The following SLC30A8 variants were observed in gnomAD, a reference collection of about 807,000 sequenced individuals.
SLC30A8 encodes proton-coupled zinc antiporter SLC30A8.
Under a neutral mutation model 36.9 loss-of-function variants are expected in SLC30A8, and 27 were observed. That is an observed-to-expected ratio of 0.73 (90% CI 0.54 to 1.01). The LOEUF is 1.01. Ranked by LOEUF, SLC30A8 falls within the 50% of genes least tolerant of loss-of-function variation. SLC30A8 has a pLI of 0.00. For synonymous variants in SLC30A8, 164 were observed against 172.4 expected (o/e 0.95, Z 0.38); for missense variants, 439 against 452.0 (o/e 0.97, Z 0.26).
chr8:116,988,860 C>A (rs1815538715), intron 1 of SLC30A8, among the ~76,000 whole-genome samples: 1 of 152,152 alleles, frequency 6.6e-6, no homozygotes, highest in African/African-American at 2.4e-5. Flanking sequence ...AGAAGGAATC[C>A]CTATCTTCTT....
chr8:117,165,046 G>T (rs1436464147), intron 6 of SLC30A8, among the ~76,000 whole-genome samples: 1 of 152,142 alleles, frequency 6.6e-6, no homozygotes, highest in Non-Finnish European at 1.5e-5. Flanking sequence ...GCCCTTTCTA[G>T]GCTACATCTT....
intron 2 of SLC30A8, among the ~76,000 whole-genome samples, chr8:117,046,278 C>T (rs1283262205): frequency 6.6e-6 from 1 of 152,174 alleles, no homozygotes; most frequent in Non-Finnish European, 1.5e-5. Context: ...GTGGACCCCC[C>T]CACCGCCACA....
chr8:117,165,962 T>C (rs977380429), intron 6 of SLC30A8, among the ~76,000 whole-genome samples: 2 of 152,086 alleles, frequency 1.3e-5, no homozygotes, highest in Non-Finnish European at 2.9e-5. Context: ...GTAGAACAGA[T>C]AGCAGAGGGA....
At chr8:116,979,864 G>T (rs1034827187) in intron 1 of SLC30A8, among the ~76,000 whole-genome samples, 2 of 152,230 alleles carry the variant, frequency 1.3e-5, no homozygotes, top group Admixed American at 6.5e-5. Context: ...GCATTCTCTT[G>T]CAGCAGAAAT....
At chr8:117,041,062 G>T (rs140348596) in intron 2 of SLC30A8, among the ~76,000 whole-genome samples, 1 of 152,220 alleles carries the variant, frequency 6.6e-6, no homozygotes, top group South Asian at 2.1e-4. Flanking sequence ...GGAATGCACA[G>T]ATGCATGCTG....
At chr8:117,038,252 AATT>A (rs1446142617) in intron 1 of SLC30A8, among the ~76,000 whole-genome samples, 3 of 152,194 alleles carry the variant, frequency 2.0e-5, no homozygotes, top group South Asian at 4.1e-4. Flanking sequence ...CCCCAGAGAC[AATT>A]ATTATTTCTA....
chr8:117,106,077 T>C (rs1247032617), intron 2 of SLC30A8, among the ~76,000 whole-genome samples: 8 of 152,154 alleles, frequency 5.3e-5, no homozygotes, highest in Non-Finnish European at 1.0e-4. Context: ...ATTCTCTCAC[T>C]TATTCATTCC....
intron 1 of SLC30A8, among the ~76,000 whole-genome samples, chr8:116,968,183 G>GGTAACCACACT (rs1356912047): frequency 2.6e-5 from 4 of 151,982 alleles, no homozygotes; most frequent in Non-Finnish European, 5.9e-5. Context: ...CTCAGGAGAT[G>GGTAACCACACT]GTAACCACAC....
At chr8:117,034,228 TAA>T (rs892917929) in intron 1 of SLC30A8, among the ~76,000 whole-genome samples, 1 of 152,156 alleles carries the variant, frequency 6.6e-6, no homozygotes, top group Non-Finnish European at 1.5e-5. Context: ...CTTTTTCTTT[TAA>T]ATCAAAGTAA....
At chr8:116,951,949 G>A (rs1814008837) in intron 1 of SLC30A8, among the ~76,000 whole-genome samples, 1 of 152,040 alleles carries the variant, frequency 6.6e-6, no homozygotes, top group South Asian at 2.1e-4. Context: ...TGATACATGT[G>A]GTAGATGCTG....
At chr8:117,024,840 G>T (rs1026688635) in intron 1 of SLC30A8, among the ~76,000 whole-genome samples, 1 of 151,852 alleles carries the variant, frequency 6.6e-6, no homozygotes, top group East Asian at 1.9e-4. Context: ...CAGGGTACTT[G>T]TGCAAGATTT....
At chr8:117,163,299 C>A in intron 5 of SLC30A8, 126 bp from the exon 6 acceptor site, 1 of 659,768 alleles carries the variant, frequency 1.5e-6, no homozygotes, top group Non-Finnish European at 2.5e-6. Context: ...TTGGATGACA[C>A]ATGTCAAAAG....
chr8:117,158,534 A>ATGTT (rs1425807620), intron 4 of SLC30A8, among the ~76,000 whole-genome samples: 1 of 152,182 alleles, frequency 6.6e-6, no homozygotes, highest in Non-Finnish European at 1.5e-5. Flanking sequence ...TCCTTATGCT[A>ATGTT]TGTTAGTTAA....
chr8:117,101,272 AC>A (rs1819706881), intron 2 of SLC30A8, among the ~76,000 whole-genome samples: 1 of 152,128 alleles, frequency 6.6e-6, no homozygotes, highest in South Asian at 2.1e-4. Context: ...TATCTTGCAC[AC>A]CAAAAATATG....
chr8:116,989,219 TGAA>T (rs1381311942), intron 1 of SLC30A8, among the ~76,000 whole-genome samples: 2 of 152,216 alleles, frequency 1.3e-5, no homozygotes, highest in Non-Finnish European at 2.9e-5. Flanking sequence ...AAATGCTTGC[TGAA>T]GAAGAAGGGC....
intron 2 of SLC30A8, among the ~76,000 whole-genome samples, chr8:117,060,623 T>C (rs1167268367): frequency 6.6e-6 from 1 of 152,212 alleles, no homozygotes; most frequent in Non-Finnish European, 1.5e-5. Flanking sequence ...TCTATAAAGA[T>C]TCTTCCTTCC....
Position 116,974,737 on chromosome 8 carries a change from C to T in SLC30A8, c.-266+23618C>T, listed in dbSNP as rs536027823. Among the ~76,000 whole-genome samples, 551 of 152,094 alleles carry T rather than the reference C, an allele frequency of 3.6e-3. 6 individuals carry two copies. The highest frequency in any genetic ancestry group is 0.027 in the Middle Eastern group (8 of 294). ...ATGCTGCTGTAAAGACACATGCACACGTATGTTTATTGTGGCACTATTCAC... is the reference window on the plus strand; with the variant it reads ...ATGCTGCTGTAAAGACACATGCACATGTATGTTTATTGTGGCACTATTCAC... On this transcript the variant is annotated intron_variant, in intron 1 of 10. Transcript: ENST00000427715.
At chr8:116,972,510 G>A (rs944858391) in intron 1 of SLC30A8, among the ~76,000 whole-genome samples, 1 of 152,206 alleles carries the variant, frequency 6.6e-6, no homozygotes, top group Non-Finnish European at 1.5e-5. Flanking sequence ...GCTTGTTTCC[G>A]ATGTAGGTTT....
intron 1 of SLC30A8, among the ~76,000 whole-genome samples, chr8:117,141,841 A>T (rs1325146352): frequency 1.3e-5 from 2 of 152,190 alleles, no homozygotes; most frequent in Non-Finnish European, 2.9e-5. Context: ...GAAATAATTT[A>T]ATAATCTGTG....
Sources: gnomAD v4.1 joint callset for allele counts (sites outside exome capture counted in the v4.1 genomes callset) on GRCh38, gnomAD v4.1.1 for gene constraint, MANE v1.5 for transcripts, NCBI Gene and HGNC (gene_info 2026-07-23, HGNC 2026-07-21) for gene names.